PIK3CA: variants seen among roughly 807,000 people sequenced by gnomAD.
PIK3CA encodes phosphatidylinositol 4,5-bisphosphate 3-kinase catalytic subunit alpha isoform.
Under a neutral mutation model 138.2 loss-of-function variants are expected in PIK3CA, and 27 were observed. The ratio of observed to expected loss-of-function variants is 0.20; its 90% CI spans 0.14 to 0.27. The LOEUF (loss-of-function observed/expected upper bound fraction) is 0.27, where lower values mean the gene tolerates loss of function less well. Ranked by LOEUF, PIK3CA falls within the 10% of genes least tolerant of loss-of-function variation. PIK3CA has a pLI of 1.00. For missense variants in PIK3CA, 544 were observed against 1,277.4 expected, an observed-to-expected ratio of 0.43 and a Z score of 8.75; for synonymous variants, 358 against 413.2, an observed-to-expected ratio of 0.87 and a Z score of 1.62.
rs1424682470 is a variant in PIK3CA at position 179,238,556 on chromosome 3, G to A, written c.*4192G>A. 2 of 219,044 alleles carry A rather than the reference G, an allele frequency of 9.1e-6. No individual in the cohort carries two copies. Among genetic ancestry groups the A allele is most frequent in the Non-Finnish European group, 1.8e-5 (2 of 109,166 alleles). The allele number at this position is 219,044 out of a possible 1,614,324, so 13.6% of individuals were successfully genotyped here. The stretch of plus-strand genomic sequence containing the variant: ...AAGCTCAGAAACTGTGCAGATCACT[G>A]AATTTTAGATTTATAAAGTCAGAGT... On this transcript the variant is annotated 3_prime_UTR_variant, in exon 21 of 21. Transcript: ENST00000263967.
intron 1 of PIK3CA, among the ~76,000 whole-genome samples, chr3:179,184,633 G>A (rs1723930257): frequency 6.6e-6 from 1 of 152,186 alleles, no homozygotes; most frequent in Non-Finnish European, 1.5e-5. Flanking sequence ...TGAATATATT[G>A]TATCTGCTGG....
At chr3:179,229,978 A>T (rs764873636) in intron 18 of PIK3CA, 26 bp from the exon 19 acceptor site, 1 of 1,418,188 alleles carries the variant, frequency 7.1e-7, no homozygotes, top group Non-Finnish European at 9.9e-7. Context: ...TTTCCATACT[A>T]CTCATGAGGT....
intron 1 of PIK3CA, among the ~76,000 whole-genome samples, chr3:179,185,001 A>G (rs1283119915): frequency 6.6e-6 from 1 of 152,212 alleles, no homozygotes; most frequent in Non-Finnish European, 1.5e-5. Flanking sequence ...CCCATGATAT[A>G]AGGAAATAAG....
At chr3:179,161,608 A>G (rs958913645) in intron 1 of PIK3CA, among the ~76,000 whole-genome samples, 2 of 152,182 alleles carry the variant, frequency 1.3e-5, no homozygotes, top group African/African-American at 4.8e-5. Flanking sequence ...TAGGCAGCAG[A>G]ATCGCTTAAA....
At chr3:179,229,531 A>G (rs2108423428) in intron 18 of PIK3CA, 89 bp downstream of exon 18, 4 of 900,178 alleles carry the variant, frequency 4.4e-6, no homozygotes, top group Middle Eastern at 2.5e-4. Context: ...GAGTTAGAAC[A>G]GAGAAAACAA....
chr3:179,235,417 G>C lies in PIK3CA; in HGVS notation c.*1053G>C, dbSNP rs920885480. On this transcript the variant is annotated 3_prime_UTR_variant, in exon 21 of 21. Transcript: ENST00000263967. ...AATTTTTTATTGTTCATAGCAGCATGGTCAGCTTTCTTCTTGATCTATAGA... is the reference window on the plus strand; with the variant it reads ...AATTTTTTATTGTTCATAGCAGCATCGTCAGCTTTCTTCTTGATCTATAGA... The C allele has an allele frequency of 2.1e-5, 4 of 186,958 alleles. No individual in the cohort carries two copies. Among genetic ancestry groups the C allele is most frequent in the South Asian group, 3.9e-4 (2 of 5,110 alleles). 11.6% of individuals were successfully genotyped at this position (186,958 alleles called of 1,614,324 possible).
At chr3:179,186,438 C>T (rs542722256) in intron 1 of PIK3CA, among the ~76,000 whole-genome samples, 1 of 152,212 alleles carries the variant, frequency 6.6e-6, no homozygotes, top group African/African-American at 2.4e-5. Context: ...AAGCCCTGGG[C>T]TTTTTGAAGA....
At chr3:179,213,677 C>A (rs1055807291) in intron 9 of PIK3CA, among the ~76,000 whole-genome samples, 1 of 152,240 alleles carries the variant, frequency 6.6e-6, no homozygotes, top group Non-Finnish European at 1.5e-5. Flanking sequence ...TCAGTCCTCT[C>A]AAAACCTGAC....
chr3:179,153,971 A>G (rs1183105164), intron 1 of PIK3CA, among the ~76,000 whole-genome samples: 1 of 152,228 alleles, frequency 6.6e-6, no homozygotes, highest in African/African-American at 2.4e-5. Context: ...ATCACTGTAT[A>G]CCTTATTCAC....
At chr3:179,165,959 T>A (rs1307909017) in intron 1 of PIK3CA, among the ~76,000 whole-genome samples, 1 of 152,230 alleles carries the variant, frequency 6.6e-6, no homozygotes, top group Non-Finnish European at 1.5e-5. Flanking sequence ...CTCTTCTGTA[T>A]TTCCATAGCC....
intron 9 of PIK3CA, among the ~76,000 whole-genome samples, chr3:179,211,869 C>T (rs1015334913): frequency 1.3e-5 from 2 of 152,072 alleles, no homozygotes; most frequent in African/African-American, 4.8e-5. Flanking sequence ...TAGAGGTACT[C>T]TCAAGAAGCA....
At chr3:179,176,147 ATCT>A (rs1723692413) in intron 1 of PIK3CA, among the ~76,000 whole-genome samples, 1 of 152,112 alleles carries the variant, frequency 6.6e-6, no homozygotes, top group Non-Finnish European at 1.5e-5. Context: ...GTTGCACATA[ATCT>A]TCTGGTTTTA....
intron 1 of PIK3CA, among the ~76,000 whole-genome samples, chr3:179,187,556 AAGAG>A (rs1253674195): frequency 6.7e-6 from 1 of 150,306 alleles, no homozygotes; most frequent in Non-Finnish European, 1.5e-5. Context: ...AAAAAAAAAA[AAGAG>A]AGAAACGGAT....
At chr3:179,153,597 A>G (rs1020892807) in intron 1 of PIK3CA, among the ~76,000 whole-genome samples, 2 of 152,206 alleles carry the variant, frequency 1.3e-5, no homozygotes, top group African/African-American at 2.4e-5. Context: ...GGTCCCTAGT[A>G]TGTCTCATTA....
intron 1 of PIK3CA, among the ~76,000 whole-genome samples, chr3:179,150,876 T>C (rs902483154): frequency 4.6e-5 from 7 of 152,254 alleles, no homozygotes; most frequent in African/African-American, 1.7e-4. Context: ...TTTTAAACAG[T>C]TACGATTACC....
intron 9 of PIK3CA, 132 bp from the exon 10 acceptor site, chr3:179,218,078 T>A (rs1163844744): frequency 1.2e-6 from 1 of 807,980 alleles, no homozygotes; most frequent in African/African-American, 1.8e-5. Flanking sequence ...TGAAAATAAA[T>A]TATTTTACAA....
chr3:179,218,194 T>A lies in PIK3CA; in HGVS notation c.1540-16T>A. Reference sequence around the variant, plus strand: ...ATGACAAAGAAAGCTATATAAGATATTATTTTATTTTACAGAGTAACAGAC... The same window carrying A: ...ATGACAAAGAAAGCTATATAAGATAATATTTTATTTTACAGAGTAACAGAC... On this transcript the variant is annotated splice_polypyrimidine_tract_variant and intron_variant, in intron 9 of 20. Coordinates refer to ENST00000263967, the MANE Select transcript of PIK3CA (RefSeq NM_006218.4). The A allele has an allele frequency of 6.5e-7, 1 of 1,535,898 alleles. No homozygotes were observed. Among genetic ancestry groups the A allele is most frequent in the Non-Finnish European group, 8.8e-7 (1 of 1,137,428 alleles).
intron 6 of PIK3CA, among the ~76,000 whole-genome samples, chr3:179,207,008 CTA>C (rs1299745389): frequency 6.6e-6 from 1 of 151,476 alleles, no homozygotes; most frequent in African/African-American, 2.4e-5. Context: ...TTAGAAAGGA[CTA>C]TATTTGTCTT....
intron 1 of PIK3CA, among the ~76,000 whole-genome samples, chr3:179,192,861 G>A (rs1724168826): frequency 6.6e-6 from 1 of 152,172 alleles, no homozygotes; most frequent in Admixed American, 6.5e-5. Flanking sequence ...AATATAGAAA[G>A]GCTTTCAATC....
Sources: gnomAD v4.1 joint callset for allele counts (sites outside exome capture counted in the v4.1 genomes callset) on GRCh38, gnomAD v4.1.1 for gene constraint, MANE v1.5 for transcripts, NCBI Gene and HGNC (gene_info 2026-07-23, HGNC 2026-07-21) for gene names.